The following CYP4Z1 variants were observed in gnomAD, a reference collection of about 807,000 sequenced individuals.
CYP4Z1 encodes cytochrome P450 4Z1.
In CYP4Z1, 41 loss-of-function variants were observed where a neutral mutation model predicts 54.2. The observed-to-expected ratio is 0.76, with a 90% CI of 0.59 to 0.98. The LOEUF is 0.98. Among genes scored for constraint, CYP4Z1 ranks in the 50% least tolerant of loss-of-function variants. CYP4Z1 has a pLI of 0.00. For missense variants in CYP4Z1, 513 were observed against 599.0 expected, an observed-to-expected ratio of 0.86 and a Z score of 1.50; for synonymous variants, 163 against 206.2, an observed-to-expected ratio of 0.79 and a Z score of 1.79.
intron 4 of CYP4Z1, among the ~76,000 whole-genome samples, chr1:47,083,558 G>A (rs1214387778): frequency 6.6e-6 from 1 of 152,230 alleles, no homozygotes; most frequent in Non-Finnish European, 1.5e-5. Flanking sequence ...CACTTTGGGA[G>A]GCCAAGGTGG....
rs1044614444 is a variant in CYP4Z1, at chr1:47,117,774, T to A, written c.1358T>A (p.Ile453Asn). The A allele has an allele frequency of 3.7e-6, 6 of 1,612,396 alleles. No homozygotes were observed. The highest frequency in any genetic ancestry group is 5.1e-6 in the Non-Finnish European group (6 of 1,179,324). The change falls in exon 12 of 12, where the codon ATT (isoleucine) becomes AAT (asparagine). Residue 453 changes from isoleucine (I) to asparagine (N), a missense_variant. By Grantham distance (149) the Ile-to-Asn change is moderately radical. Coordinates refer to ENST00000334194, the MANE Select transcript of CYP4Z1 (RefSeq NM_178134.3). ...TTTCTTGGTATCCCCAGGAACTGCATTGGGCAGCATTTTGCCATAATTGAG... is the reference window on the plus strand; with the variant it reads ...TTTCTTGGTATCCCCAGGAACTGCAATGGGCAGCATTTTGCCATAATTGAG... ...IPFSAGLRNCIGQHFAIIECK... is the reference protein window; with the variant it reads ...IPFSAGLRNCNGQHFAIIECK...
chr1:47,105,918 C>CG (rs10567873), intron 8 of CYP4Z1, among the ~76,000 whole-genome samples: 1,773 of 150,360 alleles, frequency 0.012, 11 homozygotes, highest in African/African-American at 0.017. Context: ...CCTATATCTG[C>CG]GGGGGGGGGA....
intron 6 of CYP4Z1, among the ~76,000 whole-genome samples, chr1:47,085,810 C>G (rs59424946): frequency 0.017 from 2,630 of 151,468 alleles, 78 homozygotes; most frequent in African/African-American, 0.061. Flanking sequence ...TGTCATTTAC[C>G]TTAGGTATAT....
At chr1:47,107,245 GA>G (rs200493215) in intron 9 of CYP4Z1, among the ~76,000 whole-genome samples, 16 of 152,166 alleles carry the variant, frequency 1.1e-4, no homozygotes, top group Admixed American at 2.6e-4. Flanking sequence ...GCACATTTTA[GA>G]CAAACAGGAA....
chr1:47,089,910 G>A (rs1419144433), intron 6 of CYP4Z1, among the ~76,000 whole-genome samples: 1 of 152,284 alleles, frequency 6.6e-6, no homozygotes, highest in Admixed American at 6.5e-5. Context: ...TTTATAACTT[G>A]CAATATGATT....
chr1:47,107,147 C>A (rs1414774035), intron 9 of CYP4Z1, among the ~76,000 whole-genome samples: 8 of 152,344 alleles, frequency 5.3e-5, no homozygotes, highest in Non-Finnish European at 8.8e-5. Context: ...AGGGACTAAG[C>A]ATTGTTCCAT....
intron 9 of CYP4Z1, among the ~76,000 whole-genome samples, chr1:47,115,125 G>T (rs1301525182): frequency 6.6e-6 from 1 of 152,158 alleles, no homozygotes; most frequent in African/African-American, 2.4e-5. Context: ...CATAAAAAAT[G>T]ATGAGTTCAT....
chr1:47,112,658 G>T lies in CYP4Z1; in HGVS notation c.1202-2871G>T, dbSNP rs137973975. Among the ~76,000 whole-genome samples, 1,209 of 152,132 alleles carry T rather than the reference G, an allele frequency of 7.9e-3. 11 individuals carry two copies. Among genetic ancestry groups the T allele is most frequent in the Non-Finnish European group, 0.01 (692 of 67,984 alleles). The stretch of plus-strand genomic sequence containing the variant: ...TGTATTGGCTGGGCAGGTGGCTCAT[G>T]CCTGTAATCCGAACACTTTGTGAGG... On this transcript the variant is annotated intron_variant, in intron 9 of 11. Transcript: ENST00000334194.
chr1:47,055,618 A>T, the CYP4Z1 span, among the ~76,000 whole-genome samples: 1 of 152,094 alleles, frequency 6.6e-6, no homozygotes, highest in Non-Finnish European at 1.5e-5. Flanking sequence ...GTCTATTCAG[A>T]GATTCAACTT....
intron 6 of CYP4Z1, among the ~76,000 whole-genome samples, chr1:47,091,800 C>T (rs1644639957): frequency 6.7e-6 from 1 of 149,576 alleles, no homozygotes; most frequent in Non-Finnish European, 1.5e-5. Flanking sequence ...TTTGGAAACA[C>T]GTGTAAACAA....
At chr1:47,093,424 C>A (rs1181510066) in intron 6 of CYP4Z1, among the ~76,000 whole-genome samples, 1 of 152,230 alleles carries the variant, frequency 6.6e-6, no homozygotes, top group African/African-American at 2.4e-5. Context: ...TTGTGTCATT[C>A]CTCTTTTCAC....
rs2134470 is a variant in CYP4Z1, at chr1:47,091,561, A to T, written c.773-3005A>T. Among the ~76,000 whole-genome samples the T allele has an allele frequency of 3.7e-4, 55 of 148,970 alleles. 1 individual carries two copies. The highest frequency in any genetic ancestry group is 1.2e-3 in the African/African-American group (49 of 40,782). On this transcript the variant is annotated intron_variant, in intron 6 of 11. Transcript: ENST00000334194. ...TGCTTAATTCAAGTGCTCTTGTAAG[A>T]GCTATTAGCTCCGTCAATTAAGTGC...
intron 9 of CYP4Z1, among the ~76,000 whole-genome samples, chr1:47,114,063 A>AACCAAAACAGCATGGTACTGGT (rs1279553351): frequency 5.1e-4 from 78 of 151,816 alleles, no homozygotes; most frequent in African/African-American, 1.8e-3. Flanking sequence ...AGGCTACAGT[A>AACCAAAACAGCATGGTACTGGT]ACCAAAACAG....
At chr1:47,113,744 T>C (rs1197648095) in intron 9 of CYP4Z1, among the ~76,000 whole-genome samples, 1 of 152,092 alleles carries the variant, frequency 6.6e-6, no homozygotes, top group Admixed American at 6.6e-5. Flanking sequence ...ACAAGGGATG[T>C]GAAGGACCTC....
At chr1:47,092,660 C>T (rs2742085) in intron 6 of CYP4Z1, among the ~76,000 whole-genome samples, 15 of 152,128 alleles carry the variant, frequency 9.9e-5, no homozygotes, top group Middle Eastern at 3.4e-3. Context: ...GCTATTTCTT[C>T]ACTTTCCCTA....
At chr1:47,098,097 G>A (rs544005686) in intron 7 of CYP4Z1, among the ~76,000 whole-genome samples, 13 of 152,214 alleles carry the variant, frequency 8.5e-5, no homozygotes, top group South Asian at 4.1e-4. Flanking sequence ...GATTACAAGC[G>A]TGAGCCGCTG....
chr1:47,111,143 A>G (rs1372493340), intron 9 of CYP4Z1, among the ~76,000 whole-genome samples: 1 of 152,178 alleles, frequency 6.6e-6, no homozygotes, highest in Non-Finnish European at 1.5e-5. Flanking sequence ...CATCATGAAC[A>G]TAAGACAGCT....
At chr1:47,103,059 C>CA in intron 8 of CYP4Z1, among the ~76,000 whole-genome samples, 1 of 151,978 alleles carries the variant, frequency 6.6e-6, no homozygotes, top group East Asian at 1.9e-4. Flanking sequence ...TGGGTTATTT[C>CA]AAAAGACCTG....
the CYP4Z1 span, among the ~76,000 whole-genome samples, chr1:47,061,451 G>A: frequency 5.9e-5 from 9 of 152,152 alleles, no homozygotes; most frequent in East Asian, 1.5e-3. Context: ...ATAAATTTCT[G>A]GACACATACA....
Sources: gnomAD v4.1 joint callset for allele counts (sites outside exome capture counted in the v4.1 genomes callset) on GRCh38, gnomAD v4.1.1 for gene constraint, MANE v1.5 for transcripts, NCBI Gene and HGNC (gene_info 2026-07-23, HGNC 2026-07-21) for gene names.